Variants in SPRYD7 observed in about 807,000 individuals in gnomAD.
SPRYD7 encodes the protein SPRY domain containing 7, also known as SPRY domain-containing protein 7.
A neutral mutation model predicts 23.8 loss-of-function variants in SPRYD7; 14 were observed. The observed-to-expected ratio is 0.59, with a 90% CI of 0.39 to 0.92. The LOEUF is 0.92. SPRYD7 is among the 40% of genes least tolerant of loss of function. The pLI is 0.00. For synonymous variants in SPRYD7, 75 were observed against 84.9 expected (o/e 0.88, Z 0.64); for missense variants, 194 against 241.7 (o/e 0.80, Z 1.31).
At chr13:49,930,485 G>A (rs1332484530) in intron 2 of SPRYD7, among the ~76,000 whole-genome samples, 2 of 151,964 alleles carry the variant, frequency 1.3e-5, no homozygotes. Context: ...AGAGGCTGAG[G>A]CAAGAGAATT....
intron 1 of SPRYD7, 47 bp from the exon 2 acceptor site, chr13:49,931,181 C>T: frequency 7.8e-7 from 1 of 1,284,178 alleles, no homozygotes; most frequent in African/African-American, 1.5e-5. Context: ...ATTTTCTTTT[C>T]TTTTCTTTTC....
chr13:49,936,287 C>G lies in SPRYD7; in HGVS notation c.-52G>C, dbSNP rs1352282005. On this transcript the variant is annotated 5_prime_UTR_variant, in exon 1 of 5. Coordinates refer to ENST00000361840, the MANE Select transcript of SPRYD7 (RefSeq NM_020456.4). ...CGTCCCTAGACCGAGGCGACACTGC[C>G]CCCCGCCGCTCAGCTCCGTCTCCTG... The G allele has an allele frequency of 1.5e-6, 2 of 1,354,484 alleles. No individual in the cohort carries two copies. Among genetic ancestry groups the G allele is most frequent in the Non-Finnish European group, 2.0e-6 (2 of 985,326 alleles). The allele number at this position is 1,354,484 out of a possible 1,614,324, so 83.9% of individuals were successfully genotyped here.
At chr13:49,918,747 C>A (rs1445303308) in intron 4 of SPRYD7, among the ~76,000 whole-genome samples, 1 of 151,460 alleles carries the variant, frequency 6.6e-6, no homozygotes, top group Non-Finnish European at 1.5e-5. Context: ...CTAAGTCTTG[C>A]TCTGTCGCCC....
At chr13:49,918,221 C>T (rs566083785) in intron 4 of SPRYD7, among the ~76,000 whole-genome samples, 119 of 152,088 alleles carry the variant, frequency 7.8e-4, no homozygotes, top group African/African-American at 2.8e-3. Flanking sequence ...TACAACCACA[C>T]CTGGATAATT....
At chr13:49,927,332 T>A (rs1050275189) in intron 3 of SPRYD7, among the ~76,000 whole-genome samples, 1 of 151,726 alleles carries the variant, frequency 6.6e-6, no homozygotes, top group Non-Finnish European at 1.5e-5. Flanking sequence ...CCGTCTCTAC[T>A]AAAAATAAAA....
At chr13:49,936,041 G>C in intron 1 of SPRYD7, 89 bp downstream of exon 1, 4 of 687,892 alleles carry the variant, frequency 5.8e-6, no homozygotes, top group East Asian at 4.1e-5. Flanking sequence ...CGGCGGGGCA[G>C]CGTGGGGACC....
chr13:49,924,881 C>G (rs571669754), intron 3 of SPRYD7, among the ~76,000 whole-genome samples: 2 of 150,944 alleles, frequency 1.3e-5, no homozygotes, highest in Non-Finnish European at 2.9e-5. Context: ...GAGGCTGAGG[C>G]AGGAGAACCG....
At position 49,928,443 on chromosome 13, in the gene SPRYD7, A is replaced by G. The variant is rs190663114; in HGVS notation, c.224-358T>C. On this transcript the variant is annotated intron_variant, in intron 2 of 4. Coordinates refer to ENST00000361840, the MANE Select transcript of SPRYD7 (RefSeq NM_020456.4). The stretch of plus-strand genomic sequence containing the variant: ...AGCGACAAAGCCAGACCCTGTCTCA[A>G]TAAATAAAATAAAATAAAAGTAGTT... 3.5e-4 allele frequency among the ~76,000 whole-genome samples: 54 copies of G among 152,310 alleles called. No individual in the cohort carries two copies. The East Asian group carries it at 9.5e-3, about 27-fold the overall frequency.
chr13:49,920,030 T>C (rs73196705), intron 4 of SPRYD7, among the ~76,000 whole-genome samples: 2 of 152,174 alleles, frequency 1.3e-5, no homozygotes, highest in Non-Finnish European at 2.9e-5. Flanking sequence ...TATACTATTC[T>C]TTTTACTTCT....
rs1469331211 is a variant in SPRYD7, at chr13:49,921,548, T to A, written c.423A>T (p.Val141=). The part of the protein sequence containing the change: ...GITYDHVELN[V]YLNGKNMHCP... ...AATGCATGTTTTTTCCATTCAAGTA[T>A]ACATTTAATTCGACATGGTCATAAG... The change falls in exon 4 of 5, where the codon GTA becomes GTT. Residue 141 remains valine, a synonymous_variant. Coordinates refer to ENST00000361840, the MANE Select transcript of SPRYD7 (RefSeq NM_020456.4). 1 of 1,612,756 alleles carries A rather than the reference T, an allele frequency of 6.2e-7. No homozygotes were observed.
Position 49,936,211 on chromosome 13 carries a change from G to A in SPRYD7, c.25C>T (p.Leu9=), listed in dbSNP as rs1871623794. 6.2e-7 allele frequency: 1 copy of A among 1,607,282 alleles called. No individual in the cohort carries two copies. Among genetic ancestry groups the A allele is most frequent in the Non-Finnish European group, 8.5e-7 (1 of 1,178,330 alleles). Reference sequence around the variant, plus strand: ...GTCCCCCCGTCTCTGCAGCACCGCAGGCAGCACAACACCGAGGTGGCCATC... The same window carrying A: ...GTCCCCCCGTCTCTGCAGCACCGCAAGCAGCACAACACCGAGGTGGCCATC... MATSVLCC[L]RCCRDGGTGH... The change falls in exon 1 of 5, where the codon CTG becomes TTG. Residue 9 remains leucine (L), a synonymous_variant. Coordinates refer to ENST00000361840, the MANE Select transcript of SPRYD7 (RefSeq NM_020456.4).
chr13:49,930,937 G>T, intron 2 of SPRYD7, 81 bp downstream of exon 2: 1 of 845,064 alleles, frequency 1.2e-6, no homozygotes. Context: ...ATTACCTTCT[G>T]AATCTTTTTT....
chr13:49,925,566 CT>C (rs1241220350), intron 3 of SPRYD7, among the ~76,000 whole-genome samples: 1 of 152,054 alleles, frequency 6.6e-6, no homozygotes, highest in Non-Finnish European at 1.5e-5. Flanking sequence ...AATCCCAGCA[CT>C]TTGGGAGGCC....
rs1447853917 is a variant in SPRYD7 at position 49,913,499 on chromosome 13, A to T, written c.*1564T>A. 1 of 151,292 alleles carries T rather than the reference A, an allele frequency of 6.6e-6. No individual in the cohort carries two copies. Among genetic ancestry groups the T allele is most frequent in the Non-Finnish European group, 1.5e-5 (1 of 67,858 alleles). The allele number at this position is 151,292 out of a possible 1,614,324, so 9.4% of individuals were successfully genotyped here. A position where few individuals can be genotyped will look rare whatever the true frequency, so the allele number is the denominator to read the frequency against. On this transcript the variant is annotated 3_prime_UTR_variant, in exon 5 of 5. Coordinates refer to ENST00000361840, the MANE Select transcript of SPRYD7 (RefSeq NM_020456.4). ...TACCATCCAGGAAACTACACTTACT[A>T]AGTGCCTATGATTTTTATTTTATTT...
chr13:49,932,089 C>G (rs1438661850), intron 1 of SPRYD7, among the ~76,000 whole-genome samples: 2 of 152,130 alleles, frequency 1.3e-5, no homozygotes, highest in Non-Finnish European at 2.9e-5. Context: ...TAAACCAAAA[C>G]ATAAACACAA....
At chr13:49,929,916 A>C (rs1458655989) in intron 2 of SPRYD7, among the ~76,000 whole-genome samples, 1 of 151,818 alleles carries the variant, frequency 6.6e-6, no homozygotes, top group Admixed American at 6.6e-5. Context: ...TAGCCTCCCG[A>C]GTAACTGGGA....
intron 3 of SPRYD7, among the ~76,000 whole-genome samples, chr13:49,922,151 T>G (rs1302891435): frequency 6.6e-6 from 1 of 151,940 alleles, no homozygotes; most frequent in Non-Finnish European, 1.5e-5. Flanking sequence ...ATAAAATTGG[T>G]AATTAGTTTC....
chr13:49,933,763 G>C (rs1197390132), intron 1 of SPRYD7, among the ~76,000 whole-genome samples: 15 of 152,086 alleles, frequency 9.9e-5, no homozygotes, highest in Non-Finnish European at 2.9e-5. Context: ...AGGCAAATTT[G>C]AGTACAGCCA....
intron 4 of SPRYD7, among the ~76,000 whole-genome samples, chr13:49,915,887 G>A (rs576877096): frequency 6.6e-5 from 10 of 152,196 alleles, no homozygotes; most frequent in Non-Finnish European, 1.5e-4. Context: ...ATTGATATAT[G>A]CTACAGCATA....
Sources: allele counts gnomAD v4.1 joint callset (sites outside exome capture counted in the v4.1 genomes callset), GRCh38; gene constraint gnomAD v4.1.1; transcripts MANE v1.5; gene names NCBI Gene and HGNC (gene_info 2026-07-23, HGNC 2026-07-21).